Variants in KANSL1L observed in about 807,000 individuals in gnomAD.
KANSL1L encodes the protein KAT8 regulatory NSL complex subunit 1 like.
KANSL1L carries 25 observed loss-of-function variants against 108.6 expected under a neutral mutation model. The ratio of observed to expected loss-of-function variants is 0.23; its 90% confidence interval spans 0.17 to 0.32. KANSL1L has a LOEUF of 0.32. KANSL1L is among the 10% of genes least tolerant of loss of function. The probability of loss-of-function intolerance (pLI) is 1.00; values close to 1 mark genes in which losing one functional copy is unlikely to be tolerated. For synonymous variants in KANSL1L, 405 were observed against 395.1 expected (o/e 1.03, Z -0.30); for missense variants, 1,137 against 1,125.7 (o/e 1.01, Z -0.14).
chr2:210,033,831 C>T (rs1297649304), intron 8 of KANSL1L, among the ~76,000 whole-genome samples: 8 of 152,156 alleles, frequency 5.3e-5, no homozygotes, highest in Non-Finnish European at 8.8e-5. Context: ...AGCCACCGCG[C>T]CCGGCCAAAA....
chr2:210,097,583 A>G (rs969094998), intron 5 of KANSL1L, among the ~76,000 whole-genome samples: 1 of 152,160 alleles, frequency 6.6e-6, no homozygotes, highest in African/African-American at 2.4e-5. Context: ...ATATAGATAA[A>G]TTGTTAATGT....
intron 14 of KANSL1L, among the ~76,000 whole-genome samples, chr2:210,023,636 T>G (rs2093892390): frequency 6.6e-6 from 1 of 152,236 alleles, no homozygotes; most frequent in African/African-American, 2.4e-5. Context: ...AAGAACTTTA[T>G]GGATGCAGTG....
In KANSL1L at chr2:210,044,067, G is replaced by A; in HGVS notation, c.1793C>T (p.Thr598Ile). Residue 598 changes from threonine to isoleucine, a missense_variant, in exon 7 of 15, where the codon ACA (threonine) becomes ATA (isoleucine). Physicochemically the swap from Thr to Ile is moderately conservative, Grantham distance 89. This residue lies in a region of KANSL1L where 575 missense variants were observed against 567.1 expected (regional missense o/e 1.01). Coordinates refer to ENST00000281772, the MANE Select transcript of KANSL1L (RefSeq NM_152519.4). The surrounding 1 kb of genome is among the most constrained non-coding windows in gnomAD (Gnocchi z 4.2). ...PSKETAFLNT[T>I]QMPCLQSAST... is the part of the protein sequence containing the mutation. ...AGCTGATTGCAGGCAAGGCATTTGT[G>A]TAGTGTTTAAAAATGCTGTTTCTTT... is the stretch of plus-strand genomic sequence containing the variant. 1 of 1,601,960 alleles carries A rather than the reference G, an allele frequency of 6.2e-7. No homozygotes were observed. The highest frequency in any genetic ancestry group is 8.5e-7 in the Non-Finnish European group (1 of 1,174,604).
intron 6 of KANSL1L, among the ~76,000 whole-genome samples, chr2:210,073,370 T>C (rs1201451654): frequency 6.6e-6 from 1 of 152,122 alleles, no homozygotes; most frequent in Non-Finnish European, 1.5e-5. Flanking sequence ...TACCCATGTG[T>C]GGCTACTTAA....
At chr2:210,033,142 G>A (rs1267086709) in intron 8 of KANSL1L, among the ~76,000 whole-genome samples, 1 of 151,990 alleles carries the variant, frequency 6.6e-6, no homozygotes, top group Middle Eastern at 3.2e-3. Context: ...TGAAAAGGAG[G>A]GAATAGTTGA....
intron 10 of KANSL1L, among the ~76,000 whole-genome samples, chr2:210,029,430 C>A (rs910845100): frequency 1.3e-5 from 2 of 151,958 alleles, no homozygotes; most frequent in East Asian, 3.9e-4. Context: ...ACCTTTTGAC[C>A]TCTCTATTCC....
intron 6 of KANSL1L, among the ~76,000 whole-genome samples, chr2:210,046,432 C>T (rs2094223909): frequency 6.6e-6 from 1 of 152,088 alleles, no homozygotes; most frequent in East Asian, 1.9e-4. Context: ...AGGCTGTGAA[C>T]CTCTAAAACC....
intron 8 of KANSL1L, among the ~76,000 whole-genome samples, chr2:210,037,401 A>G (rs967874783): frequency 6.6e-6 from 1 of 152,148 alleles, no homozygotes; most frequent in Non-Finnish European, 1.5e-5. Context: ...TTCCCTTTTG[A>G]AAACAATCTA....
At chr2:210,098,914 T>C (rs2094765328) in intron 4 of KANSL1L, among the ~76,000 whole-genome samples, 2 of 151,292 alleles carry the variant, frequency 1.3e-5, no homozygotes, top group South Asian at 4.1e-4. Context: ...TAAATATTAT[T>C]CTCAAAACAA....
At chr2:210,115,482 T>C (rs2094945405) in intron 3 of KANSL1L, among the ~76,000 whole-genome samples, 1 of 152,066 alleles carries the variant, frequency 6.6e-6, no homozygotes, top group African/African-American at 2.4e-5. Flanking sequence ...GAGTAAGAAG[T>C]CAGTAACTAG....
intron 3 of KANSL1L, among the ~76,000 whole-genome samples, chr2:210,107,510 C>CAAAA (rs142353453): frequency 0.017 from 2,145 of 122,896 alleles, 66 homozygotes; most frequent in African/African-American, 0.052. Context: ...TTCTTCTCCT[C>CAAAA]AAAAAAAAAA....
intron 12 of KANSL1L, among the ~76,000 whole-genome samples, chr2:210,025,660 A>G (rs2093926361): frequency 6.6e-6 from 1 of 152,222 alleles, no homozygotes; most frequent in Admixed American, 6.5e-5. Context: ...AACAAATGTT[A>G]TGAGATGAAC....
chr2:210,060,469 T>G (rs940256220), intron 6 of KANSL1L, among the ~76,000 whole-genome samples: 1 of 152,222 alleles, frequency 6.6e-6, no homozygotes, highest in Non-Finnish European at 1.5e-5. Context: ...AAATGGCTTG[T>G]GGATTACATG....
At chr2:210,090,420 T>A (rs1048218500) in intron 5 of KANSL1L, among the ~76,000 whole-genome samples, 5 of 152,236 alleles carry the variant, frequency 3.3e-5, no homozygotes, top group Non-Finnish European at 5.9e-5. Context: ...AAATGTGGGT[T>A]AAGACTATAA....
chr2:210,037,066 T>C (rs2094112978), intron 8 of KANSL1L, among the ~76,000 whole-genome samples: 1 of 152,166 alleles, frequency 6.6e-6, no homozygotes, highest in Admixed American at 6.5e-5. Flanking sequence ...TGCCTTATTT[T>C]TTTTAAATCA....
At chr2:210,127,723 C>T (rs371548011) in intron 3 of KANSL1L, among the ~76,000 whole-genome samples, 18 of 129,958 alleles carry the variant, frequency 1.4e-4, no homozygotes, top group South Asian at 5.4e-4. Flanking sequence ...TGCTTGAGCC[C>T]GGGAGGTCAA....
chr2:210,132,492 C>A (rs1336031245), intron 2 of KANSL1L, among the ~76,000 whole-genome samples: 1 of 152,128 alleles, frequency 6.6e-6, no homozygotes, highest in Non-Finnish European at 1.5e-5. Context: ...ATCACTCATT[C>A]CCCAGAAAGG....
intron 3 of KANSL1L, among the ~76,000 whole-genome samples, chr2:210,110,576 C>G (rs913992086): frequency 6.6e-6 from 1 of 151,942 alleles, no homozygotes; most frequent in African/African-American, 2.4e-5. Context: ...TGGTCAAAGA[C>G]AGAATTAGCA....
chr2:210,134,485 ATGT>A (rs1320019314), intron 2 of KANSL1L, among the ~76,000 whole-genome samples: 6 of 152,084 alleles, frequency 3.9e-5, no homozygotes, highest in Admixed American at 6.6e-5. Flanking sequence ...TACTATGATT[ATGT>A]TGTTAATGTG....
Sources: gnomAD v4.1 joint callset for allele counts (sites outside exome capture counted in the v4.1 genomes callset) on GRCh38, gnomAD v4.1.1 for gene constraint, gnomAD v4.1.1 regional missense constraint, Gnocchi (gnomAD v3.1) non-coding constraint, MANE v1.5 for transcripts, NCBI Gene and HGNC (gene_info 2026-07-23, HGNC 2026-07-21) for gene names.